GRM7: variants seen among roughly 807,000 people sequenced by gnomAD.
GRM7 encodes the protein metabotropic glutamate receptor 7.
A neutral mutation model predicts 84.5 loss-of-function variants in GRM7; 35 were observed. The ratio of observed to expected loss-of-function variants is 0.41; its 90% CI spans 0.32 to 0.55. GRM7 has a LOEUF of 0.55. GRM7 is among the 20% of genes least tolerant of loss of function. The pLI is 0.19. For missense variants in GRM7, 1,003 were observed against 1,194.6 expected (o/e 0.84, Z 2.36); for synonymous variants, 487 against 455.1 (o/e 1.07, Z -0.89).
At chr3:7,644,047 T>C (rs970315390) in intron 8 of GRM7, among the ~76,000 whole-genome samples, 3 of 134,100 alleles carry the variant, frequency 2.2e-5, no homozygotes, top group Non-Finnish European at 3.2e-5. Flanking sequence ...ATATATAAAA[T>C]ATGTATATAT....
In GRM7 at chr3:7,146,633, G is replaced by C; in HGVS notation, c.701G>C (p.Gly234Ala). ...TCGGAAGGAAGTTATGGAGAGAAAG[G>C]TGTGGAGTCCTTCACGCAGATTTCC... ...LASEGSYGEK[G>A]VESFTQISKE... The change falls in exon 2 of 10, where the codon GGT becomes GCT. Residue 234 changes from glycine to alanine, a missense_variant. This residue lies in a region of GRM7 where 910 missense variants were observed against 1,126.0 expected (regional missense o/e 0.81). Coordinates refer to ENST00000357716, the MANE Select transcript of GRM7 (RefSeq NM_000844.4). 6.2e-7 allele frequency: 1 copy of C among 1,613,800 alleles called. No homozygotes were observed. Among genetic ancestry groups the C allele is most frequent in the Non-Finnish European group, 8.5e-7 (1 of 1,179,880 alleles).
intron 5 of GRM7, among the ~76,000 whole-genome samples, chr3:7,428,264 C>T (rs1282812361): frequency 2.7e-5 from 4 of 149,130 alleles, no homozygotes; most frequent in East Asian, 4.1e-4. Context: ...AGAATGTGGG[C>T]AAAGAAAAGA....
intron 1 of GRM7, among the ~76,000 whole-genome samples, chr3:7,024,371 C>A (rs1468316968): frequency 6.6e-6 from 1 of 152,226 alleles, no homozygotes; most frequent in African/African-American, 2.4e-5. Context: ...ACACCAAATG[C>A]AATTGCTGCG....
chr3:6,940,590 A>C (rs1697857068), intron 1 of GRM7, among the ~76,000 whole-genome samples: 1 of 152,318 alleles, frequency 6.6e-6, no homozygotes, highest in South Asian at 2.1e-4. Flanking sequence ...ATTTTTTAAA[A>C]GAACCTACAG....
chr3:7,305,299 A>C (rs1053428052), intron 3 of GRM7, among the ~76,000 whole-genome samples: 5 of 146,988 alleles, frequency 3.4e-5, no homozygotes, highest in African/African-American at 1.3e-4. Context: ...TTTGGTGTTT[A>C]CAATATCAGA....
intron 7 of GRM7, among the ~76,000 whole-genome samples, chr3:7,540,830 C>A (rs944538769): frequency 1.3e-5 from 2 of 152,024 alleles, no homozygotes; most frequent in African/African-American, 2.4e-5. Context: ...TGGATCATTA[C>A]AAATTTGCAG....
intron 5 of GRM7, among the ~76,000 whole-genome samples, chr3:7,436,699 C>T (rs1697070397): frequency 1.3e-5 from 2 of 152,214 alleles, no homozygotes; most frequent in African/African-American, 4.8e-5. Context: ...CTGCAGTCTA[C>T]AGCTACTTAT....
At chr3:7,687,573 A>G (rs1309351923) in intron 9 of GRM7, among the ~76,000 whole-genome samples, 1 of 152,118 alleles carries the variant, frequency 6.6e-6, no homozygotes, top group African/African-American at 2.4e-5. Context: ...CTCATATAAT[A>G]GAGAGACCTG....
At chr3:7,710,636 G>T (rs552957746) in intron 9 of GRM7, among the ~76,000 whole-genome samples, 23 of 152,282 alleles carry the variant, frequency 1.5e-4, no homozygotes, top group Admixed American at 7.9e-4. Flanking sequence ...CCTAAGAAAT[G>T]ACAGGGTGGA....
At chr3:7,125,270 T>A (rs1216092101) in intron 1 of GRM7, among the ~76,000 whole-genome samples, 1 of 152,140 alleles carries the variant, frequency 6.6e-6, no homozygotes, top group African/African-American at 2.4e-5. Flanking sequence ...ACAGGGAGGC[T>A]AATCCCAGTC....
At chr3:7,404,800 A>AT (rs1278110841) in intron 4 of GRM7, among the ~76,000 whole-genome samples, 1 of 152,150 alleles carries the variant, frequency 6.6e-6, no homozygotes, top group Non-Finnish European at 1.5e-5. Flanking sequence ...CATAAAAAAA[A>AT]AAAATAATAA....
intron 1 of GRM7, among the ~76,000 whole-genome samples, chr3:7,066,050 G>C (rs1433989226): frequency 1.3e-5 from 2 of 151,762 alleles, no homozygotes; most frequent in African/African-American, 4.8e-5. Context: ...AAAGTTCATA[G>C]CCCTAAACGT....
At chr3:7,703,152 AGC>A in intron 9 of GRM7, among the ~76,000 whole-genome samples, 1 of 152,152 alleles carries the variant, frequency 6.6e-6, no homozygotes, top group East Asian at 1.9e-4. Context: ...AGAACTGAGA[AGC>A]ATTGCTGCAA....
intron 4 of GRM7, among the ~76,000 whole-genome samples, chr3:7,356,490 T>C (rs1311405448): frequency 6.6e-6 from 1 of 151,916 alleles, no homozygotes; most frequent in Non-Finnish European, 1.5e-5. Context: ...TTAGTACAGA[T>C]GAGGTTTCAC....
At chr3:6,874,371 G>A (rs1278795220) in intron 1 of GRM7, among the ~76,000 whole-genome samples, 1 of 152,124 alleles carries the variant, frequency 6.6e-6, no homozygotes, top group African/African-American at 2.4e-5. Flanking sequence ...GAGCCCAGAA[G>A]TCTTTAAACT....
chr3:6,956,645 G>T (rs994052458), intron 1 of GRM7: 9 of 456,490 alleles, frequency 2.0e-5, no homozygotes, highest in Middle Eastern at 3.2e-4. Flanking sequence ...TCTTTTCTGT[G>T]CATGTTTACC....
At chr3:7,065,844 G>C (rs149602412) in intron 1 of GRM7, among the ~76,000 whole-genome samples, 4 of 151,716 alleles carry the variant, frequency 2.6e-5, no homozygotes, top group Admixed American at 6.6e-5. Flanking sequence ...TCAGACCACA[G>C]TGGAATACAA....
intron 5 of GRM7, among the ~76,000 whole-genome samples, chr3:7,436,083 G>A (rs1373855099): frequency 1.3e-5 from 2 of 152,000 alleles, no homozygotes; most frequent in African/African-American, 4.8e-5. Flanking sequence ...CTGAGCTCAG[G>A]TGATCCACCT....
intron 1 of GRM7, among the ~76,000 whole-genome samples, chr3:6,920,794 C>T (rs1697098416): frequency 6.6e-6 from 1 of 152,016 alleles, no homozygotes; most frequent in Non-Finnish European, 1.5e-5. Context: ...CTGATAGTTA[C>T]CTGAGAAGGG....
Sources: allele counts gnomAD v4.1 joint callset (sites outside exome capture counted in the v4.1 genomes callset), GRCh38; gene constraint gnomAD v4.1.1; regional missense constraint gnomAD v4.1.1; transcripts MANE v1.5; gene names NCBI Gene and HGNC (gene_info 2026-07-23, HGNC 2026-07-21).